ZDHHC2: variants seen among roughly 807,000 people sequenced by gnomAD.
ZDHHC2 encodes the protein zDHHC palmitoyltransferase 2.
A neutral mutation model predicts 55.6 loss-of-function variants in ZDHHC2; 51 were observed. That is an observed-to-expected ratio of 0.92 (90% CI 0.73 to 1.16). The LOEUF is 1.16. ZDHHC2 is among the 50% of genes most tolerant of loss of function. The pLI, the probability that ZDHHC2 is intolerant of heterozygous loss-of-function variation, is 0.00. For missense variants in ZDHHC2, 491 were observed against 442.4 expected (o/e 1.11, Z -0.99); for synonymous variants, 199 against 152.9 (o/e 1.30, Z -2.22).
chr8:17,166,421 G>C (rs1804602497), intron 1 of ZDHHC2, among the ~76,000 whole-genome samples: 2 of 152,192 alleles, frequency 1.3e-5, no homozygotes, highest in African/African-American at 4.8e-5. Flanking sequence ...GGCGTGGAGG[G>C]TTGCATTAGA....
intron 3 of ZDHHC2, among the ~76,000 whole-genome samples, chr8:17,188,682 C>A (rs1474967766): frequency 1.3e-5 from 2 of 152,094 alleles, no homozygotes; most frequent in African/African-American, 4.8e-5. Flanking sequence ...CTTTATGTGT[C>A]ACCCCAGTGC....
intron 1 of ZDHHC2, among the ~76,000 whole-genome samples, chr8:17,161,923 C>G (rs969170079): frequency 6.6e-6 from 1 of 152,100 alleles, no homozygotes; most frequent in African/African-American, 2.4e-5. Flanking sequence ...AAAATATATT[C>G]TGTGACTTTT....
chr8:17,181,531 G>A (rs1417873484), intron 1 of ZDHHC2, among the ~76,000 whole-genome samples: 1 of 152,082 alleles, frequency 6.6e-6, no homozygotes, highest in Admixed American at 6.6e-5. Context: ...CTGGTTTAAA[G>A]GAAATGAGAT....
intron 1 of ZDHHC2, among the ~76,000 whole-genome samples, chr8:17,181,984 A>G (rs1165615601): frequency 6.6e-6 from 1 of 152,130 alleles, no homozygotes; most frequent in Non-Finnish European, 1.5e-5. Context: ...GAACTTGACA[A>G]CTCTGCCATT....
At position 17,217,204 on chromosome 8, in the gene ZDHHC2, G is replaced by GAGA; in HGVS notation, c.1097_1099dup (p.Glu366_Thr367insLys). On this transcript the variant is annotated inframe_insertion, in exon 12 of 13. Coordinates refer to ENST00000262096, the MANE Select transcript of ZDHHC2 (RefSeq NM_016353.5). ...CAATCCTGCATTAACCATGGAAAAT[G>GAGA]AGACTTAACTCTTCAAGCAAGATAA... is the stretch of plus-strand genomic sequence containing the variant. 3 of 1,610,922 alleles carry GAGA rather than the reference G, an allele frequency of 1.9e-6. No individual in the cohort carries two copies. Among genetic ancestry groups the GAGA allele is most frequent in the African/African-American group, 2.7e-5 (2 of 74,908 alleles).
At chr8:17,198,456 A>G (rs760169590) in intron 6 of ZDHHC2, 43 bp downstream of exon 6, 30 of 1,536,176 alleles carry the variant, frequency 2.0e-5, no homozygotes, top group Non-Finnish European at 2.5e-5. Flanking sequence ...TCCCTTGTAA[A>G]TGTTAATAAA....
chr8:17,188,649 G>A (rs970076422), intron 3 of ZDHHC2, among the ~76,000 whole-genome samples: 5 of 151,958 alleles, frequency 3.3e-5, no homozygotes, highest in African/African-American at 9.7e-5. Context: ...TTATTCCCTC[G>A]TGGATTTCAT....
chr8:17,219,478 C>T (rs910627772), intron 12 of ZDHHC2, among the ~76,000 whole-genome samples: 12 of 151,944 alleles, frequency 7.9e-5, no homozygotes, highest in Non-Finnish European at 1.3e-4. Context: ...AAATGCTGGC[C>T]AGGCGTGGTG....
chr8:17,217,481 AG>A (rs1193407229), intron 12 of ZDHHC2, among the ~76,000 whole-genome samples: 2 of 152,180 alleles, frequency 1.3e-5, no homozygotes, highest in Non-Finnish European at 1.5e-5. Context: ...GATGAACAAG[AG>A]TCATTTTATA....
At position 17,199,587 on chromosome 8, in the gene ZDHHC2, T is replaced by TC. The variant is rs1256011460; in HGVS notation, c.476+1175dup. Among the ~76,000 whole-genome samples the TC allele has an allele frequency of 4.4e-5, 5 of 113,134 alleles. 1 individual carries two copies. The highest frequency in any genetic ancestry group is 7.4e-5 in the Non-Finnish European group (4 of 54,286). The allele number at this position is 113,134 out of a possible 152,430, so 74.2% of individuals were successfully genotyped here. On this transcript the variant is annotated intron_variant, in intron 6 of 12. Transcript: ENST00000262096. ...TTCTTCGTCTTTGTCTTCTTCTTCTTCTTTCTTCTTCTTTATTCTTTCTTC... is the reference window on the plus strand; with the variant it reads ...TTCTTCGTCTTTGTCTTCTTCTTCTTCCTTTCTTCTTCTTTATTCTTTCTTC...
At chr8:17,168,230 G>A (rs1804697440) in intron 1 of ZDHHC2, among the ~76,000 whole-genome samples, 1 of 152,182 alleles carries the variant, frequency 6.6e-6, no homozygotes, top group South Asian at 2.1e-4. Flanking sequence ...CTCAAGCACT[G>A]AGAATCTGGG....
intron 1 of ZDHHC2, among the ~76,000 whole-genome samples, chr8:17,175,878 G>A (rs1431907439): frequency 1.3e-5 from 2 of 152,188 alleles, no homozygotes; most frequent in African/African-American, 4.8e-5. Flanking sequence ...GGAGCCAAGC[G>A]TGGAGTCAGG....
At chr8:17,171,795 G>C (rs575909164) in intron 1 of ZDHHC2, among the ~76,000 whole-genome samples, 1 of 151,158 alleles carries the variant, frequency 6.6e-6, no homozygotes, top group East Asian at 2.0e-4. Context: ...GCCTTCTTCT[G>C]CTTGTATGAG....
At chr8:17,184,674 G>T (rs1563151249) in intron 1 of ZDHHC2, 115 bp from the exon 2 acceptor site, 3 of 819,350 alleles carry the variant, frequency 3.7e-6, no homozygotes, top group Non-Finnish European at 5.7e-6. Flanking sequence ...AATATTTAGA[G>T]AATGTTGGTT....
At position 17,199,606 on chromosome 8, in the gene ZDHHC2, TTTC is replaced by T. The variant is rs147013065; in HGVS notation, c.476+1209_476+1211del. ...TCTTCTTCTTTCTTCTTCTTTATTC[TTTC>T]TTCTTCTTCTTCTTCCTTTCTTCTT... On this transcript the variant is annotated intron_variant, in intron 6 of 12. Coordinates refer to ENST00000262096, the MANE Select transcript of ZDHHC2 (RefSeq NM_016353.5). Among the ~76,000 whole-genome samples, 335 of 50,882 alleles carry T rather than the reference TTTC, an allele frequency of 6.6e-3. 22 individuals carry two copies. Among genetic ancestry groups the T allele is most frequent in the Middle Eastern group, 0.02 (2 of 98 alleles). 33.4% of individuals were successfully genotyped at this position (50,882 alleles called of 152,430 possible).
At chr8:17,173,024 G>A (rs1326520618) in intron 1 of ZDHHC2, among the ~76,000 whole-genome samples, 1 of 152,198 alleles carries the variant, frequency 6.6e-6, no homozygotes, top group East Asian at 1.9e-4. Context: ...GGTGGAGCAA[G>A]GGTGACCAGA....
intron 3 of ZDHHC2, among the ~76,000 whole-genome samples, chr8:17,186,914 T>C (rs1285438012): frequency 6.6e-6 from 1 of 152,206 alleles, no homozygotes; most frequent in Non-Finnish European, 1.5e-5. Flanking sequence ...GTAGCCTCCA[T>C]TTCCAAGGTC....
intron 6 of ZDHHC2, among the ~76,000 whole-genome samples, chr8:17,199,566 TCG>T (rs1806579886): frequency 1.1e-4 from 5 of 44,698 alleles, no homozygotes; most frequent in East Asian, 4.4e-4. Context: ...TTCGTCTTCT[TCG>T]TCTTTGTCTT....
At chr8:17,212,924 G>A (rs1392139641) in intron 10 of ZDHHC2, among the ~76,000 whole-genome samples, 1 of 151,838 alleles carries the variant, frequency 6.6e-6, no homozygotes, top group African/African-American at 2.4e-5. Context: ...GTGCAGTTTT[G>A]TGATCATAGC....
Sources: gnomAD v4.1 joint callset for allele counts (sites outside exome capture counted in the v4.1 genomes callset) on GRCh38, gnomAD v4.1.1 for gene constraint, MANE v1.5 for transcripts, NCBI Gene and HGNC (gene_info 2026-07-23, HGNC 2026-07-21) for gene names.